The following FEZ1 variants were observed in gnomAD, a reference collection of about 807,000 sequenced individuals.
The protein encoded by FEZ1 is fasciculation and elongation protein zeta 1.
A neutral mutation model predicts 49.3 loss-of-function variants in FEZ1; 20 were observed. That is an observed-to-expected ratio of 0.41 (90% CI 0.29 to 0.59). The LOEUF is 0.59. FEZ1 is among the 20% of genes least tolerant of loss of function. The pLI, the probability that FEZ1 is intolerant of heterozygous loss-of-function variation, is 0.36. For synonymous variants in FEZ1, 170 were observed against 180.9 expected, an observed-to-expected ratio of 0.94 and a Z score of 0.48; for missense variants, 413 against 476.0, an observed-to-expected ratio of 0.87 and a Z score of 1.23.
chr11:125,475,207 T>C (rs1215516890), intron 3 of FEZ1, among the ~76,000 whole-genome samples: 2 of 150,190 alleles, frequency 1.3e-5, no homozygotes, highest in Non-Finnish European at 3.0e-5. Flanking sequence ...GAGGTGGAGG[T>C]TGCTGTGAGC....
At chr11:125,493,977 CAG>C (rs1957431887) in intron 1 of FEZ1, among the ~76,000 whole-genome samples, 3 of 152,156 alleles carry the variant, frequency 2.0e-5, no homozygotes, top group Admixed American at 1.3e-4. Flanking sequence ...TCTGCCCAGG[CAG>C]AGTGTAGAGA....
At chr11:125,449,417 T>TAA (rs35920814) in intron 8 of FEZ1, among the ~76,000 whole-genome samples, 725 of 27,012 alleles carry the variant, frequency 0.027, 140 homozygotes, top group African/African-American at 0.07. Context: ...TTTGTCTCTA[T>TAA]AAAAAAAAAA....
intron 5 of FEZ1, among the ~76,000 whole-genome samples, chr11:125,458,111 C>A (rs888998818): frequency 2.0e-5 from 3 of 152,176 alleles, no homozygotes; most frequent in African/African-American, 7.2e-5. Flanking sequence ...AGACTCTCTG[C>A]CGGCCACCTC....
intron 2 of FEZ1, among the ~76,000 whole-genome samples, chr11:125,483,370 A>G (rs1957301585): frequency 6.6e-6 from 1 of 152,170 alleles, no homozygotes; most frequent in Non-Finnish European, 1.5e-5. Context: ...CTTATTCATT[A>G]TTTTCCTACC....
At chr11:125,488,909 A>C in intron 2 of FEZ1, 1 of 985,372 alleles carries the variant, frequency 1.0e-6, no homozygotes, top group Non-Finnish European at 1.2e-6. Flanking sequence ...TGCATACTCA[A>C]AGGCCACATC....
intron 1 of FEZ1, among the ~76,000 whole-genome samples, chr11:125,490,180 A>G (rs1957367739): frequency 6.6e-6 from 1 of 152,172 alleles, no homozygotes; most frequent in South Asian, 2.1e-4. Flanking sequence ...GTGTTTTAGT[A>G]TTATTATTTT....
At chr11:125,454,329 G>C in intron 6 of FEZ1, 119 bp from the exon 7 acceptor site, 1 of 657,954 alleles carries the variant, frequency 1.5e-6, no homozygotes, top group South Asian at 1.9e-5. Flanking sequence ...TGACTAGACA[G>C]TAAGTGTAAG....
At chr11:125,452,716 G>T in intron 7 of FEZ1, 1 of 306,880 alleles carries the variant, frequency 3.3e-6, no homozygotes, top group Non-Finnish European at 6.0e-6. Flanking sequence ...AAATCCAAGG[G>T]GATTATATTT....
chr11:125,495,498 G>C lies in FEZ1; in HGVS notation c.-46+623C>G, dbSNP rs778515350. On this transcript the variant is annotated intron_variant, in intron 1 of 9. Coordinates refer to ENST00000278919, the MANE Select transcript of FEZ1 (RefSeq NM_005103.5). This position sits in a 1 kb window ranked among gnomAD's most constrained non-coding sequence, Gnocchi z 4.2. ...CCCCGGTCCCTTCTCCCGCCCGTCT[G>C]TAGTAAAACAATCGCTCTCCCGGCG... 2.1e-6 allele frequency: 1 copy of C among 471,124 alleles called. No homozygotes were observed. The highest frequency in any genetic ancestry group is 7.0e-5 in the East Asian group (1 of 14,388). The allele number at this position is 471,124 out of a possible 1,614,324, so 29.2% of individuals were successfully genotyped here.
chr11:125,483,006 T>TAAAAAAAAAAAAAAAAAAAAAAA (rs1957298030), intron 2 of FEZ1, among the ~76,000 whole-genome samples: 2 of 57,298 alleles, frequency 3.5e-5, no homozygotes. Flanking sequence ...AAAAAAAAAC[T>TAAAAAAAAAAAAAAAAAAAAAAA]AAAATATTAG....
At chr11:125,484,823 C>T (rs921406981) in intron 2 of FEZ1, among the ~76,000 whole-genome samples, 3 of 151,872 alleles carry the variant, frequency 2.0e-5, no homozygotes, top group Non-Finnish European at 2.9e-5. Flanking sequence ...ATGTAGATCT[C>T]CAGCCCAGGG....
Position 125,489,303 on chromosome 11 carries a change from A to C in FEZ1, c.311+164T>G. On this transcript the variant is annotated intron_variant, in intron 2 of 9. Coordinates refer to ENST00000278919, the MANE Select transcript of FEZ1 (RefSeq NM_005103.5). The surrounding 1 kb of genome is among the most constrained non-coding windows in gnomAD (Gnocchi z 4.2). ...TCTCCTCAGGGGACTGTAAAGGGACATATATAGAGCTATGACAGCAAGTAC... is the reference window on the plus strand; with the variant it reads ...TCTCCTCAGGGGACTGTAAAGGGACCTATATAGAGCTATGACAGCAAGTAC... 1 of 1,367,850 alleles carries C rather than the reference A, an allele frequency of 7.3e-7. No individual in the cohort carries two copies. Among genetic ancestry groups the C allele is most frequent in the Non-Finnish European group, 9.4e-7 (1 of 1,061,784 alleles). The allele number at this position is 1,367,850 out of a possible 1,614,324, so 84.7% of individuals were successfully genotyped here.
rs1809180280 is a variant in FEZ1 at position 125,492,899 on chromosome 11, T to C, written c.-45-3077A>G. Among the ~76,000 whole-genome samples the C allele has an allele frequency of 2.0e-5, 3 of 149,762 alleles. No individual in the cohort carries two copies. The South Asian group carries it at 6.4e-4, about 32-fold the overall frequency. ...AGGAGGATTGGTTGAGCCCATGAGT[T>C]TGAGGCTATAGTGAGCTATGATCAC... On this transcript the variant is annotated intron_variant, in intron 1 of 9. Transcript: ENST00000278919.
intron 6 of FEZ1, 135 bp from the exon 7 acceptor site, chr11:125,454,345 G>A (rs1565531973): frequency 1.8e-6 from 1 of 552,296 alleles, no homozygotes; most frequent in East Asian, 3.1e-5. Flanking sequence ...GTAAGACACT[G>A]GCTTACAGAG....
At chr11:125,464,694 A>G (rs1466455622) in intron 3 of FEZ1, among the ~76,000 whole-genome samples, 1 of 151,210 alleles carries the variant, frequency 6.6e-6, no homozygotes, top group Non-Finnish European at 1.5e-5. Flanking sequence ...TTTTATCTCC[A>G]TTTGCTTAAA....
intron 1 of FEZ1, among the ~76,000 whole-genome samples, chr11:125,493,501 A>G (rs1055970071): frequency 3.1e-5 from 3 of 97,950 alleles, no homozygotes; most frequent in East Asian, 3.1e-4. Context: ...AAAGAAAGAA[A>G]GAAAGAGAGA....
At chr11:125,481,294 T>C (rs1393580348) in intron 3 of FEZ1, among the ~76,000 whole-genome samples, 1 of 151,986 alleles carries the variant, frequency 6.6e-6, no homozygotes, top group Non-Finnish European at 1.5e-5. Context: ...ACCACAAGCA[T>C]GCGCCACCAT....
intron 9 of FEZ1, among the ~76,000 whole-genome samples, chr11:125,446,866 G>A (rs951603978): frequency 5.9e-5 from 9 of 151,626 alleles, no homozygotes; most frequent in African/African-American, 1.5e-4. Context: ...ATTGAGACGC[G>A]GTCTCACCAT....
chr11:125,485,398 G>T (rs1319180854), intron 2 of FEZ1, among the ~76,000 whole-genome samples: 1 of 152,106 alleles, frequency 6.6e-6, no homozygotes, highest in African/African-American at 2.4e-5. Context: ...GAACTCCAGG[G>T]CCTGGAACTG....
Sources: gnomAD v4.1 joint callset for allele counts (sites outside exome capture counted in the v4.1 genomes callset) on GRCh38, gnomAD v4.1.1 for gene constraint, Gnocchi (gnomAD v3.1) non-coding constraint, MANE v1.5 for transcripts, NCBI Gene and HGNC (gene_info 2026-07-23, HGNC 2026-07-21) for gene names.